Variants in CALD1 observed in about 807,000 individuals in gnomAD.
CALD1 encodes caldesmon 1.
Under a neutral mutation model 99.9 loss-of-function variants are expected in CALD1, and 33 were observed. The ratio of observed to expected loss-of-function variants is 0.33; its 90% CI spans 0.25 to 0.44. The LOEUF (loss-of-function observed/expected upper bound fraction) is 0.44, where lower values mean the gene tolerates loss of function less well. Among genes scored for constraint, CALD1 ranks in the 20% least tolerant of loss-of-function variants. The pLI, the probability that CALD1 is intolerant of heterozygous loss-of-function variation, is 1.00. For missense variants in CALD1, 861 were observed against 962.1 expected, an observed-to-expected ratio of 0.89 and a Z score of 1.39; for synonymous variants, 310 against 325.0, an observed-to-expected ratio of 0.95 and a Z score of 0.50.
chr7:134,917,310 T>A (rs978135183), intron 3 of CALD1, among the ~76,000 whole-genome samples: 1 of 152,210 alleles, frequency 6.6e-6, no homozygotes, highest in African/African-American at 2.4e-5. Flanking sequence ...CAACATTTTT[T>A]AAAAGCCTAA....
At position 134,959,986 on chromosome 7, in the gene CALD1, G is replaced by A. The variant is rs756255320; in HGVS notation, c.2074G>A (p.Ala692Thr). The A allele has an allele frequency of 5.0e-5, 81 of 1,613,420 alleles. No individual in the cohort carries two copies. Among genetic ancestry groups the A allele is most frequent in the East Asian group, 2.0e-4 (9 of 44,876 alleles). The change falls in exon 12 of 15, where the codon GCA becomes ACA. Residue 692 changes from alanine to threonine, a missense_variant. Around this residue, in one of 5 missense-constraint regions of CALD1, gnomAD observed 190 missense variants for 249.0 expected, o/e 0.76. Coordinates refer to ENST00000361675, the MANE Select transcript of CALD1 (RefSeq NM_033138.4). Reference protein sequence around the residue: ...YTSAIEGTKSAKPTKPAASDL... With the variant: ...YTSAIEGTKSTKPTKPAASDL... The stretch of plus-strand genomic sequence containing the variant: ...TCACAAATTTCAGGGAACAAAAAGC[G>A]CAAAACCTACAAAGCCGGCAGCCTC...
intron 3 of CALD1, among the ~76,000 whole-genome samples, chr7:134,919,528 C>T (rs1563095706): frequency 6.6e-6 from 1 of 152,138 alleles, no homozygotes; most frequent in African/African-American, 2.4e-5. Flanking sequence ...TGAGTACATA[C>T]ATAAGAACAC....
intron 3 of CALD1, among the ~76,000 whole-genome samples, chr7:134,904,484 G>A (rs184679035): frequency 7.9e-5 from 12 of 152,086 alleles, no homozygotes; most frequent in South Asian, 2.1e-4. Context: ...AAGAGGCTGC[G>A]GTGGGAGGAT....
intron 3 of CALD1, among the ~76,000 whole-genome samples, chr7:134,927,075 A>G (rs1326403895): frequency 4.6e-5 from 7 of 152,086 alleles, no homozygotes; most frequent in African/African-American, 1.4e-4. Flanking sequence ...CCATACCCAT[A>G]CCCAACCCAT....
chr7:134,789,727 T>C (rs927968007), intron 1 of CALD1, among the ~76,000 whole-genome samples: 1 of 152,126 alleles, frequency 6.6e-6, no homozygotes. Context: ...TCACTGCTTC[T>C]ACATTTGGGG....
intron 13 of CALD1, among the ~76,000 whole-genome samples, chr7:134,964,070 G>A (rs191216418): frequency 7.5e-4 from 114 of 152,312 alleles, no homozygotes; most frequent in African/African-American, 2.6e-3. Flanking sequence ...GGTGGCTTGT[G>A]CCTGTAATCT....
chr7:134,941,286 A>G (rs781737438), intron 7 of CALD1, 49 bp downstream of exon 7: 19 of 1,425,154 alleles, frequency 1.3e-5, no homozygotes, highest in African/African-American at 4.4e-5. Context: ...ATGCAAAGAA[A>G]AAAAAAAAAA....
intron 3 of CALD1, 97 bp from the exon 4 acceptor site, chr7:134,928,657 G>A: frequency 7.9e-6 from 9 of 1,139,858 alleles, no homozygotes; most frequent in Non-Finnish European, 1.1e-5. Context: ...ATTAAGCAGT[G>A]AAGTTCAGAA....
At chr7:134,902,403 A>G (rs1486836872) in intron 3 of CALD1, among the ~76,000 whole-genome samples, 1 of 152,138 alleles carries the variant, frequency 6.6e-6, no homozygotes, top group Non-Finnish European at 1.5e-5. Flanking sequence ...TCTGACATTA[A>G]TGAAACATTC....
intron 14 of CALD1, among the ~76,000 whole-genome samples, chr7:134,967,554 G>A (rs1808769718): frequency 6.6e-6 from 1 of 152,014 alleles, no homozygotes; most frequent in African/African-American, 2.4e-5. Context: ...AGAATAGGAG[G>A]GAGAAAATAG....
At chr7:134,776,867 T>A (rs372228591), upstream of CALD1, among the ~76,000 whole-genome samples, 4 of 152,340 alleles carry the variant, frequency 2.6e-5, no homozygotes, top group African/African-American at 9.6e-5. Context: ...TTGCTACTGA[T>A]CTACATGATC....
chr7:134,886,933 T>C (rs1801882900), intron 3 of CALD1, among the ~76,000 whole-genome samples: 1 of 152,210 alleles, frequency 6.6e-6, no homozygotes, highest in Non-Finnish European at 1.5e-5. Context: ...GTGCAATGAC[T>C]TGCTTGTAGT....
Position 134,965,348 on chromosome 7 carries a change from GA to G in CALD1, c.2342del (p.Lys781SerfsTer31). On this transcript the variant is annotated frameshift_variant, in exon 14 of 15. Transcript: ENST00000361675. LOFTEE classifies it high-confidence loss of function. ...GDVSSKRNLW[E>X]KQSVDKVTSP... The stretch of plus-strand genomic sequence containing the variant: ...CGTATCCAGCAAGCGGAACCTCTGG[GA>G]AAAGCAATCTGTGGATAAGGTCACT... 2.5e-6 allele frequency: 4 copies of G among 1,592,324 alleles called. No individual in the cohort carries two copies. Among genetic ancestry groups the G allele is most frequent in the Non-Finnish European group, 3.4e-6 (4 of 1,160,164 alleles).
At chr7:134,742,993 A>G (rs1405832244), upstream of CALD1, among the ~76,000 whole-genome samples, 2 of 152,184 alleles carry the variant, frequency 1.3e-5, no homozygotes, top group Non-Finnish European at 2.9e-5. Context: ...TAAAGCCACA[A>G]AAGCCAGCCC....
At chr7:134,942,066 C>T (rs966887132) in intron 7 of CALD1, among the ~76,000 whole-genome samples, 2 of 152,216 alleles carry the variant, frequency 1.3e-5, no homozygotes, top group Non-Finnish European at 2.9e-5. Flanking sequence ...CCCCACAAAA[C>T]ACTCTCTCCA....
chr7:134,869,968 TGCGGGCAGTG>T (rs1338579345), intron 3 of CALD1, among the ~76,000 whole-genome samples: 1 of 152,128 alleles, frequency 6.6e-6, no homozygotes, highest in Admixed American at 6.5e-5. Flanking sequence ...ATGGAAGTCT[TGCGGGCAGTG>T]GCCGGGCTCA....
At chr7:134,832,080 G>C (rs937139064) in intron 1 of CALD1, among the ~76,000 whole-genome samples, 1 of 152,224 alleles carries the variant, frequency 6.6e-6, no homozygotes, top group Non-Finnish European at 1.5e-5. Context: ...TCTTACGCTT[G>C]AGAAATGCGC....
At chr7:134,936,717 T>C (rs188409120) in intron 6 of CALD1, among the ~76,000 whole-genome samples, 150 of 152,338 alleles carry the variant, frequency 9.8e-4, no homozygotes, top group Non-Finnish European at 4.1e-4. Context: ...AAATACGTTT[T>C]GTCAATTTCA....
intron 3 of CALD1, among the ~76,000 whole-genome samples, chr7:134,875,686 C>T (rs1801316016): frequency 6.6e-6 from 1 of 152,194 alleles, no homozygotes. Context: ...GTGGGACAGA[C>T]AAGAACCCTG....
Sources: allele counts gnomAD v4.1 joint callset (sites outside exome capture counted in the v4.1 genomes callset), GRCh38; gene constraint gnomAD v4.1.1; regional missense constraint gnomAD v4.1.1; transcripts MANE v1.5; gene names NCBI Gene and HGNC (gene_info 2026-07-23, HGNC 2026-07-21).